Variants in PHF21B observed in about 807,000 individuals in gnomAD.
The protein encoded by PHF21B is PHD finger protein 21B.
A neutral mutation model predicts 62.2 loss-of-function variants in PHF21B; 22 were observed. The observed-to-expected ratio is 0.35, with a 90% CI of 0.25 to 0.51. PHF21B has a LOEUF of 0.51. PHF21B is among the 20% of genes least tolerant of loss of function. The pLI is 0.97. For missense variants in PHF21B, 701 were observed against 707.9 expected (o/e 0.99, Z 0.11); for synonymous variants, 341 against 314.7 (o/e 1.08, Z -0.88).
chr22:45,007,781 C>T (rs932927088), intron 2 of PHF21B, among the ~76,000 whole-genome samples: 12 of 102,912 alleles, frequency 1.2e-4, no homozygotes, highest in African/African-American at 1.5e-4. Flanking sequence ...GGGCGGGAGC[C>T]AGGGGGCGGG....
chr22:44,995,855 G>A (rs1421937408), intron 2 of PHF21B, among the ~76,000 whole-genome samples: 3 of 150,340 alleles, frequency 2.0e-5, no homozygotes, highest in Non-Finnish European at 3.0e-5. Context: ...TGTCCCTGAG[G>A]TCAGGGTGAC....
At chr22:44,981,089 T>C (rs1485446206) in intron 2 of PHF21B, among the ~76,000 whole-genome samples, 1 of 152,116 alleles carries the variant, frequency 6.6e-6, no homozygotes, top group Non-Finnish European at 1.5e-5. Flanking sequence ...GCGTGGGGGT[T>C]GCCGTGTCTC....
chr22:44,943,743 C>G (rs2072009185), intron 2 of PHF21B, among the ~76,000 whole-genome samples: 1 of 152,162 alleles, frequency 6.6e-6, no homozygotes. Flanking sequence ...CACTCACCCT[C>G]AGCTCTCACC....
chr22:44,962,784 T>G (rs1366153471), intron 2 of PHF21B, among the ~76,000 whole-genome samples: 1 of 151,520 alleles, frequency 6.6e-6, no homozygotes, highest in African/African-American at 2.4e-5. Flanking sequence ...CACGGAACGG[T>G]GGGGGATGGA....
intron 2 of PHF21B, among the ~76,000 whole-genome samples, chr22:44,929,152 G>A (rs1421707804): frequency 6.6e-6 from 1 of 152,252 alleles, no homozygotes; most frequent in African/African-American, 2.4e-5. Flanking sequence ...TAACAAGTCA[G>A]TTCCAACATC....
At chr22:45,000,311 G>A (rs1006001717) in intron 2 of PHF21B, among the ~76,000 whole-genome samples, 3 of 152,118 alleles carry the variant, frequency 2.0e-5, no homozygotes, top group Non-Finnish European at 4.4e-5. Context: ...GAGCCTCCCC[G>A]AGACACTGCC....
chr22:45,009,333 AAGGG>A lies in PHF21B; in HGVS notation c.54+159_54+162del. On this transcript the variant is annotated intron_variant, in intron 1 of 12. Transcript: ENST00000313237. This position sits in a 1 kb window ranked among gnomAD's most constrained non-coding sequence, Gnocchi z 5.9. ...CAGGGGCAGGCGGAGGGGAGCCCAG[AAGGG>A]GGTCCGCGCGTGTGCTCACTCCCTC... 1 of 717,790 alleles carries A rather than the reference AAGGG, an allele frequency of 1.4e-6. No individual in the cohort carries two copies. 44.5% of individuals were successfully genotyped at this position (717,790 alleles called of 1,614,324 possible).
chr22:44,920,582 T>TCCAAGGCAGC, intron 2 of PHF21B, 92 bp from the exon 3 acceptor site: 1 of 744,340 alleles, frequency 1.3e-6, no homozygotes, highest in Non-Finnish European at 2.2e-6. Flanking sequence ...GGCAGCTGCC[T>TCCAAGGCAGC]TGGAGACAGC....
At chr22:44,927,676 G>A (rs897888746) in intron 2 of PHF21B, among the ~76,000 whole-genome samples, 1 of 152,094 alleles carries the variant, frequency 6.6e-6, no homozygotes, top group African/African-American at 2.4e-5. Flanking sequence ...ACCCGAGTGC[G>A]TTCTTCCACT....
chr22:44,961,280 T>C (rs2072414905), intron 2 of PHF21B, among the ~76,000 whole-genome samples: 1 of 151,970 alleles, frequency 6.6e-6, no homozygotes, highest in Admixed American at 6.6e-5. Flanking sequence ...TTTCAACTTT[T>C]ATTTTAGATT....
intron 2 of PHF21B, among the ~76,000 whole-genome samples, chr22:44,996,166 C>T (rs559369395): frequency 6.6e-6 from 1 of 152,308 alleles, no homozygotes; most frequent in South Asian, 2.1e-4. Context: ...TCGGTCTCTC[C>T]AGCGCCCAGC....
chr22:45,003,834 C>A (rs961806918), intron 2 of PHF21B, among the ~76,000 whole-genome samples: 1 of 152,102 alleles, frequency 6.6e-6, no homozygotes, highest in Non-Finnish European at 1.5e-5. Flanking sequence ...AGTGCTGATA[C>A]GTGCTACAAC....
At chr22:44,935,698 C>T (rs2071832879) in intron 2 of PHF21B, among the ~76,000 whole-genome samples, 1 of 152,178 alleles carries the variant, frequency 6.6e-6, no homozygotes, top group African/African-American at 2.4e-5. Flanking sequence ...TGGCAGGTCT[C>T]ATGGGAGAGG....
At chr22:44,915,273 G>A (rs999870254) in intron 4 of PHF21B, among the ~76,000 whole-genome samples, 1 of 152,232 alleles carries the variant, frequency 6.6e-6, no homozygotes, top group African/African-American at 2.4e-5. Context: ...TGAGAAGATA[G>A]AATTCTTAAG....
intron 2 of PHF21B, among the ~76,000 whole-genome samples, chr22:44,945,508 A>G (rs1298176757): frequency 6.6e-6 from 1 of 152,180 alleles, no homozygotes; most frequent in African/African-American, 2.4e-5. Context: ...CCTGTTTCCC[A>G]GCACAGTGCC....
Position 44,902,808 on chromosome 22 carries a change from A to AT in PHF21B, c.832-6726dup, listed in dbSNP as rs1218085349. Among the ~76,000 whole-genome samples, 6 of 151,828 alleles carry AT rather than the reference A, an allele frequency of 4.0e-5. No homozygotes were observed. In the South Asian group the frequency reaches 6.2e-4, roughly 16 times the overall value. On this transcript the variant is annotated intron_variant, in intron 5 of 12. Coordinates refer to ENST00000313237, the MANE Select transcript of PHF21B (RefSeq NM_138415.5). ...GGTAAAAATAACTTCTCTTTCCTGT[A>AT]TTTTTTGCTTATAGCAGCTTCATAT...
intron 2 of PHF21B, among the ~76,000 whole-genome samples, chr22:44,953,246 G>T (rs8140391): frequency 0.045 from 6,884 of 152,228 alleles, 508 homozygotes; most frequent in African/African-American, 0.16. Flanking sequence ...ATGCACTAGC[G>T]AGTTGGGGTA....
intron 2 of PHF21B, among the ~76,000 whole-genome samples, chr22:44,999,880 G>A (rs563339717): frequency 2.0e-5 from 3 of 152,148 alleles, no homozygotes; most frequent in African/African-American, 7.2e-5. Flanking sequence ...ACCAGGACGC[G>A]TCAGGACACG....
At chr22:44,917,064 G>T (rs1036389665) in intron 3 of PHF21B, among the ~76,000 whole-genome samples, 7 of 152,238 alleles carry the variant, frequency 4.6e-5, no homozygotes, top group African/African-American at 1.7e-4. Context: ...CCTGGGCCTT[G>T]CCCAGTTCTG....
Sources: gnomAD v4.1 joint callset for allele counts (sites outside exome capture counted in the v4.1 genomes callset) on GRCh38, gnomAD v4.1.1 for gene constraint, Gnocchi (gnomAD v3.1) non-coding constraint, MANE v1.5 for transcripts, NCBI Gene and HGNC (gene_info 2026-07-23, HGNC 2026-07-21) for gene names.